DNAH11: variants seen among roughly 807,000 people sequenced by gnomAD.
DNAH11 encodes axonemal beta dynein heavy chain 11.
In DNAH11, 442 loss-of-function variants were observed where a neutral mutation model predicts 526.0. That is an observed-to-expected ratio of 0.84 (90% CI 0.78 to 0.91). DNAH11 has a LOEUF of 0.91. DNAH11 is among the 40% of genes least tolerant of loss of function. DNAH11 has a pLI of 0.00. For missense variants in DNAH11, 6,989 were observed against 5,448.7 expected (o/e 1.28, Z -8.90); for synonymous variants, 2,461 against 1,935.9 (o/e 1.27, Z -7.12).
rs1001876527 is a variant in DNAH11 at position 21,589,397 on chromosome 7, C to T, written c.2163C>T (p.Asp721=). 2 of 1,596,788 alleles carry T rather than the reference C, an allele frequency of 1.3e-6. No individual in the cohort carries two copies. Among genetic ancestry groups the T allele is most frequent in the African/African-American group, 1.3e-5 (1 of 74,140 alleles). ...AINGLLCVNF[D]PKLVAVLREV... Reference sequence around the variant, plus strand: ...ATGGTCTTCTCTGTGTCAATTTTGACCCAAAGGTAGGGATTTGATTTTTTA... The same window carrying T: ...ATGGTCTTCTCTGTGTCAATTTTGATCCAAAGGTAGGGATTTGATTTTTTA... The change falls in exon 12 of 82, where the codon GAC becomes GAT. Residue 721 remains aspartate, a synonymous_variant. Transcript: ENST00000409508.
rs144995157 is a variant in DNAH11, at chr7:21,567,188, C to G, written c.1194+2791C>G. ...ACCTGTCAACTTGGAGCATTGCCAT[C>G]TTTAAAAAAATTTGGGGTCATTTAT... On this transcript the variant is annotated intron_variant, in intron 6 of 81. Coordinates refer to ENST00000409508, the MANE Select transcript of DNAH11 (RefSeq NM_001277115.2). 4.6e-3 allele frequency among the ~76,000 whole-genome samples: 707 copies of G among 152,172 alleles called. 6 individuals are homozygous for G. The highest frequency in any genetic ancestry group is 7.6e-3 in the Non-Finnish European group (517 of 67,998).
At chr7:21,719,106 G>A (rs1221334984) in intron 43 of DNAH11, among the ~76,000 whole-genome samples, 1 of 152,064 alleles carries the variant, frequency 6.6e-6, no homozygotes, top group Non-Finnish European at 1.5e-5. Flanking sequence ...TGTGAAAATA[G>A]GTCAGTAGGA....
intron 57 of DNAH11, among the ~76,000 whole-genome samples, chr7:21,783,607 A>G (rs1321635158): frequency 6.6e-6 from 1 of 152,078 alleles, no homozygotes; most frequent in African/African-American, 2.4e-5. Flanking sequence ...TTCAGATTCT[A>G]TAGGTATCTT....
At chr7:21,757,928 T>C (rs1562528951) in intron 54 of DNAH11, among the ~76,000 whole-genome samples, 1 of 152,220 alleles carries the variant, frequency 6.6e-6, no homozygotes, top group Non-Finnish European at 1.5e-5. Flanking sequence ...CGCAGAACCT[T>C]ATCCTTGCAA....
intron 75 of DNAH11, among the ~76,000 whole-genome samples, chr7:21,882,287 T>C (rs558361087): frequency 1.3e-5 from 2 of 152,304 alleles, no homozygotes; most frequent in African/African-American, 4.8e-5. Flanking sequence ...TCCTGCTTTT[T>C]TTTCATCCTG....
intron 30 of DNAH11, among the ~76,000 whole-genome samples, chr7:21,668,314 G>A (rs747044567): frequency 1.8e-4 from 27 of 151,998 alleles, no homozygotes; most frequent in Non-Finnish European, 2.8e-4. Flanking sequence ...AGGGCATGTT[G>A]ACTTATTTTT....
At chr7:21,757,209 A>C (rs755872684) in intron 54 of DNAH11, among the ~76,000 whole-genome samples, 3 of 152,166 alleles carry the variant, frequency 2.0e-5, no homozygotes, top group Non-Finnish European at 4.4e-5. Context: ...ACTTTCCTAC[A>C]TCTTGGGACA....
chr7:21,682,426 T>C (rs1783183213), intron 31 of DNAH11, among the ~76,000 whole-genome samples: 1 of 148,834 alleles, frequency 6.7e-6, no homozygotes, highest in South Asian at 2.1e-4. Context: ...CTTGGGAGGC[T>C]GAGGCGGGAG....
chr7:21,680,372 G>A (rs1284385922), intron 30 of DNAH11, among the ~76,000 whole-genome samples: 3 of 152,176 alleles, frequency 2.0e-5, no homozygotes, highest in Admixed American at 2.0e-4. Flanking sequence ...TATGATACCT[G>A]GAATAAGGCA....
At position 21,564,209 on chromosome 7, in the gene DNAH11, G is replaced by T; in HGVS notation, c.1006G>T (p.Glu336Ter). The T allele has an allele frequency of 6.2e-7, 1 of 1,600,326 alleles. No homozygotes were observed. Among genetic ancestry groups the T allele is most frequent in the Non-Finnish European group, 8.5e-7 (1 of 1,173,586 alleles). The change falls in exon 6 of 82, where the codon GAA (glutamate) becomes TAA (stop). Residue 336 changes from glutamate to a stop codon, truncating the protein, a stop_gained. Transcript: ENST00000409508. LOFTEE classifies it high-confidence loss of function. Reference sequence around the variant, plus strand: ...AGCTCTTCTCGAAGCCCAAGATGTGGAACTTTACCTGAGACCTCTGAGGAG... The same window carrying T: ...AGCTCTTCTCGAAGCCCAAGATGTGTAACTTTACCTGAGACCTCTGAGGAG... ...ENALLEAQDV[E>*]LYLRPLRRHI...
rs184471734 is a variant in DNAH11 at position 21,584,011 on chromosome 7, A to C, written c.1710+1990A>C. Among the ~76,000 whole-genome samples, 32 of 152,332 alleles carry C rather than the reference A, an allele frequency of 2.1e-4. No homozygotes were observed. In the East Asian group the frequency reaches 6.0e-3, roughly 28 times the overall value. ...CAAATTAGTTCAACCATTGTGGAAGACAGTGCGGCGATTCCTCAAGGATCT... is the reference window on the plus strand; with the variant it reads ...CAAATTAGTTCAACCATTGTGGAAGCCAGTGCGGCGATTCCTCAAGGATCT... On this transcript the variant is annotated intron_variant, in intron 9 of 81. Transcript: ENST00000409508.
intron 68 of DNAH11, among the ~76,000 whole-genome samples, chr7:21,861,570 A>G (rs1207565578): frequency 1.3e-5 from 2 of 152,262 alleles, no homozygotes; most frequent in Non-Finnish European, 2.9e-5. Context: ...ATCAAATACT[A>G]AAATATTATT....
intron 2 of DNAH11, among the ~76,000 whole-genome samples, chr7:21,555,062 C>CT (rs1228291609): frequency 6.6e-6 from 1 of 152,022 alleles, no homozygotes; most frequent in African/African-American, 2.4e-5. Flanking sequence ...TGGGCAGGAA[C>CT]TTTTTACTAG....
At chr7:21,617,484 C>G in intron 22 of DNAH11, 135 bp from the exon 23 acceptor site, 1 of 1,044,180 alleles carries the variant, frequency 9.6e-7, no homozygotes, top group Non-Finnish European at 1.4e-6. Context: ...TGGTTTTGCT[C>G]CTTGGTCTAG....
At chr7:21,763,713 C>G (rs1281433113) in intron 54 of DNAH11, among the ~76,000 whole-genome samples, 3 of 150,554 alleles carry the variant, frequency 2.0e-5, no homozygotes, top group Non-Finnish European at 4.4e-5. Context: ...TTCATGTTCA[C>G]TGCAGCGTTA....
At chr7:21,641,248 T>A (rs1787115742) in intron 28 of DNAH11, among the ~76,000 whole-genome samples, 1 of 151,990 alleles carries the variant, frequency 6.6e-6, no homozygotes, top group Non-Finnish European at 1.5e-5. Context: ...GACCTTAGAG[T>A]GGAGGTTGGG....
intron 45 of DNAH11, among the ~76,000 whole-genome samples, chr7:21,731,430 A>G (rs934781337): frequency 1.3e-5 from 2 of 150,692 alleles, no homozygotes; most frequent in Non-Finnish European, 3.0e-5. Flanking sequence ...CTAAGTTGTA[A>G]TATATTTGTA....
At chr7:21,634,721 T>TCAGG in intron 25 of DNAH11, among the ~76,000 whole-genome samples, 1 of 152,148 alleles carries the variant, frequency 6.6e-6, no homozygotes, top group African/African-American at 2.4e-5. Context: ...ACTATGCCCA[T>TCAGG]TACCTGGGTG....
chr7:21,571,949 T>A lies in DNAH11; in HGVS notation c.1569T>A (p.Tyr523Ter). 1.3e-6 allele frequency: 2 copies of A among 1,584,600 alleles called. No individual in the cohort carries two copies. Among genetic ancestry groups the A allele is most frequent in the Non-Finnish European group, 1.7e-6 (2 of 1,168,866 alleles). Residue 523 changes from tyrosine (Y) to a stop codon, truncating the protein, a stop_gained, in exon 8 of 82, where the codon TAT becomes TAA. Transcript: ENST00000409508. LOFTEE classifies it high-confidence loss of function. ...GTAAACTTTTTAAACAGAGCACTTATGACCCATCTGATTGCACTAACATGG... is the reference window on the plus strand; with the variant it reads ...GTAAACTTTTTAAACAGAGCACTTAAGACCCATCTGATTGCACTAACATGG... Reference protein sequence around the residue: ...ELCKLFKQSTYDPSDCTNMEF... With the variant: ...ELCKLFKQST
Sources: gnomAD v4.1 joint callset for allele counts (sites outside exome capture counted in the v4.1 genomes callset) on GRCh38, gnomAD v4.1.1 for gene constraint, MANE v1.5 for transcripts, NCBI Gene and HGNC (gene_info 2026-07-23, HGNC 2026-07-21) for gene names.